The following AUTS2 variants were observed in gnomAD, a reference collection of about 807,000 sequenced individuals.
AUTS2 encodes activator of transcription and developmental regulator AUTS2, also known as autism susceptibility gene 2 protein.
Under a neutral mutation model 112.4 loss-of-function variants are expected in AUTS2, and 17 were observed. That is an observed-to-expected ratio of 0.15 (90% CI 0.10 to 0.23). AUTS2 has a LOEUF of 0.23. Among genes scored for constraint, AUTS2 ranks in the 10% least tolerant of loss-of-function variants. The pLI is 1.00. For synonymous variants in AUTS2, 751 were observed against 702.7 expected (o/e 1.07, Z -1.09); for missense variants, 1,510 against 1,701.6 (o/e 0.89, Z 1.98).
chr7:69,990,222 A>G (rs764272384), intron 2 of AUTS2, among the ~76,000 whole-genome samples: 2 of 152,196 alleles, frequency 1.3e-5, no homozygotes, highest in Non-Finnish European at 2.9e-5. Context: ...AAATGAGGTA[A>G]TTGGTAAAAA....
intron 4 of AUTS2, among the ~76,000 whole-genome samples, chr7:70,393,081 G>A (rs1004754774): frequency 6.6e-6 from 1 of 152,230 alleles, no homozygotes; most frequent in Non-Finnish European, 1.5e-5. Context: ...TTGCTGGTCT[G>A]CCTGTAGGGG....
chr7:70,213,702 A>G (rs2129589207), intron 4 of AUTS2, among the ~76,000 whole-genome samples: 1 of 152,264 alleles, frequency 6.6e-6, no homozygotes, highest in African/African-American at 2.4e-5. Context: ...GCTATGGGAA[A>G]CAGTTTTATT....
At chr7:69,797,068 T>C (rs540928905) in intron 1 of AUTS2, among the ~76,000 whole-genome samples, 13 of 152,272 alleles carry the variant, frequency 8.5e-5, no homozygotes, top group African/African-American at 2.6e-4. Flanking sequence ...TTTTACTCCT[T>C]TTTTTCCACT....
intron 6 of AUTS2, among the ~76,000 whole-genome samples, chr7:70,744,643 G>A (rs1371059449): frequency 2.6e-5 from 4 of 152,176 alleles, no homozygotes; most frequent in Non-Finnish European, 4.4e-5. Context: ...ACCGATGAGC[G>A]AGGCTCCATG....
At chr7:70,721,284 G>C (rs1389113931) in intron 6 of AUTS2, among the ~76,000 whole-genome samples, 2 of 146,208 alleles carry the variant, frequency 1.4e-5, no homozygotes, top group African/African-American at 4.9e-5. Context: ...TCATTCGTGT[G>C]TGTGTGTGTG....
At chr7:70,779,777 C>CCAAGCACTTTGGGAAGCCAAGG (rs1563193831) in intron 14 of AUTS2, among the ~76,000 whole-genome samples, 4 of 152,094 alleles carry the variant, frequency 2.6e-5, no homozygotes, top group Non-Finnish European at 5.9e-5. Flanking sequence ...CTCCTCTAAT[C>CCAAGCACTTTGGGAAGCCAAGG]CAAGCACTTT....
In AUTS2 at chr7:70,346,182, C is replaced by T. The variant is rs149105462; in HGVS notation, c.661-89570C>T. ...TACAGTGGTGAGCAATGGAAATCTA[C>T]GTGTTTTTTGACATATGACACTGCT... is the stretch of plus-strand genomic sequence containing the variant. On this transcript the variant is annotated intron_variant, in intron 4 of 18. Coordinates refer to ENST00000342771, the MANE Select transcript of AUTS2 (RefSeq NM_015570.4). Among the ~76,000 whole-genome samples, 370 of 152,292 alleles carry T rather than the reference C, an allele frequency of 2.4e-3. 2 individuals carry two copies. The highest frequency in any genetic ancestry group is 4.2e-3 in the Non-Finnish European group (287 of 68,028).
chr7:70,460,745 G>T (rs887239813), intron 5 of AUTS2, among the ~76,000 whole-genome samples: 1 of 152,062 alleles, frequency 6.6e-6, no homozygotes, highest in Non-Finnish European at 1.5e-5. Flanking sequence ...AATTTACTTC[G>T]AATGTCTCTG....
At chr7:69,697,507 T>C (rs1797608702) in intron 1 of AUTS2, among the ~76,000 whole-genome samples, 1 of 152,188 alleles carries the variant, frequency 6.6e-6, no homozygotes, top group Non-Finnish European at 1.5e-5. Context: ...GGGTAGGCTT[T>C]CTAGATTTGC....
At position 70,766,346 on chromosome 7, in the gene AUTS2, A is replaced by G. The variant is rs1789943649; in HGVS notation, c.1689+12A>G. 2 of 1,613,524 alleles carry G rather than the reference A, an allele frequency of 1.2e-6. No homozygotes were observed. The highest frequency in any genetic ancestry group is 1.7e-6 in the Non-Finnish European group (2 of 1,179,828). On this transcript the variant is annotated intron_variant, in intron 9 of 18. Transcript: ENST00000342771. The surrounding 1 kb of genome is among the most constrained non-coding windows in gnomAD (Gnocchi z 4.8). The stretch of plus-strand genomic sequence containing the variant: ...CAGCACCTCCCATGGTGCGTACCCC[A>G]GGCAGAAATGTGAGGATAAGTAGAG...
intron 4 of AUTS2, among the ~76,000 whole-genome samples, chr7:70,209,904 A>AT (rs1260241612): frequency 2.0e-5 from 3 of 152,014 alleles, no homozygotes; most frequent in East Asian, 3.9e-4. Context: ...AAAAGAATAT[A>AT]TTTTTTTTCC....
At chr7:70,776,735 C>T (rs1790720764) in intron 13 of AUTS2, 4 of 342,686 alleles carry the variant, frequency 1.2e-5, no homozygotes, top group South Asian at 1.1e-4. Flanking sequence ...TGCATTATAG[C>T]ATGGCAACAT....
intron 2 of AUTS2, among the ~76,000 whole-genome samples, chr7:70,064,756 CTTGTGAAGCT>C (rs1802411835): frequency 1.3e-5 from 2 of 152,154 alleles, no homozygotes; most frequent in Non-Finnish European, 2.9e-5. Flanking sequence ...AGAAAGTCCC[CTTGTGAAGCT>C]TTGTGTTGGA....
At chr7:70,061,429 G>C (rs1802240083) in intron 2 of AUTS2, among the ~76,000 whole-genome samples, 1 of 152,162 alleles carries the variant, frequency 6.6e-6, no homozygotes, top group Non-Finnish European at 1.5e-5. Context: ...TGCTAGGTTT[G>C]TATTAAAATA....
chr7:69,975,879 G>C (rs549842215), intron 2 of AUTS2, among the ~76,000 whole-genome samples: 1 of 151,634 alleles, frequency 6.6e-6, no homozygotes, highest in Non-Finnish European at 1.5e-5. Flanking sequence ...GTAGAGACAG[G>C]GTTTCACCAT....
intron 1 of AUTS2, among the ~76,000 whole-genome samples, chr7:69,826,113 GGA>G (rs1425263549): frequency 6.6e-6 from 1 of 152,102 alleles, no homozygotes; most frequent in African/African-American, 2.4e-5. Flanking sequence ...ATTCATGCAG[GGA>G]GAATTCTATG....
chr7:70,245,717 T>C (rs1337341492), intron 4 of AUTS2, among the ~76,000 whole-genome samples: 1 of 152,202 alleles, frequency 6.6e-6, no homozygotes, highest in African/African-American at 2.4e-5. Flanking sequence ...ACTGTTCTTT[T>C]ATGTGTCTCC....
chr7:69,870,058 A>G (rs1446686580), intron 1 of AUTS2, among the ~76,000 whole-genome samples: 1 of 152,164 alleles, frequency 6.6e-6, no homozygotes, highest in African/African-American at 2.4e-5. Context: ...GATTGTTAAT[A>G]TACTGTGGAA....
intron 2 of AUTS2, among the ~76,000 whole-genome samples, chr7:70,040,979 ATTTC>A (rs1172785722): frequency 2.6e-5 from 4 of 152,202 alleles, no homozygotes; most frequent in African/African-American, 4.8e-5. Context: ...TTTACATGGG[ATTTC>A]TTTAACACAT....
Sources: gnomAD v4.1 joint callset for allele counts (sites outside exome capture counted in the v4.1 genomes callset) on GRCh38, gnomAD v4.1.1 for gene constraint, Gnocchi (gnomAD v3.1) non-coding constraint, MANE v1.5 for transcripts, NCBI Gene and HGNC (gene_info 2026-07-23, HGNC 2026-07-21) for gene names.